MECOM: variants seen among roughly 807,000 people sequenced by gnomAD.
MECOM encodes histone-lysine N-methyltransferase MECOM.
Under a neutral mutation model 116.3 loss-of-function variants are expected in MECOM, and 13 were observed. That is an observed-to-expected ratio of 0.11 (90% CI 0.07 to 0.18). The LOEUF (loss-of-function observed/expected upper bound fraction) is 0.18, where lower values mean the gene tolerates loss of function less well. MECOM is among the 10% of genes least tolerant of loss of function. The pLI is 1.00. For missense variants in MECOM, 1,299 were observed against 1,509.0 expected (o/e 0.86, Z 2.31); for synonymous variants, 528 against 535.2 (o/e 0.99, Z 0.19).
At chr3:169,556,454 A>G (rs1762043776) in intron 1 of MECOM, among the ~76,000 whole-genome samples, 1 of 152,198 alleles carries the variant, frequency 6.6e-6, no homozygotes, top group Non-Finnish European at 1.5e-5. Context: ...GCAGATCTTC[A>G]TAATATCTTG....
chr3:169,146,322 G>A (rs1023342971), intron 2 of MECOM: 81 of 1,286,282 alleles, frequency 6.3e-5, no homozygotes, highest in East Asian at 5.2e-4. Flanking sequence ...TCGGCCGAGA[G>A]CGGCTCCAAA....
At position 169,621,712 on chromosome 3, in the gene MECOM, G is replaced by A. The variant is rs548046445; in HGVS notation, c.37+41624C>T. Among the ~76,000 whole-genome samples the A allele has an allele frequency of 3.3e-5, 5 of 152,266 alleles. No homozygotes were observed. The South Asian group carries it at 8.3e-4, about 25-fold the overall frequency. On this transcript the variant is annotated intron_variant, in intron 1 of 16. Coordinates refer to ENST00000651503, the MANE Select transcript of MECOM (RefSeq NM_004991.4). The stretch of plus-strand genomic sequence containing the variant: ...GTGGAGTTTGCAGTGAGCTGAGTTC[G>A]TGCCACTGCACTCCAGCCTGGGCAA...
At chr3:169,364,337 G>T (rs566727229) in intron 2 of MECOM, among the ~76,000 whole-genome samples, 1 of 152,014 alleles carries the variant, frequency 6.6e-6, no homozygotes, top group Non-Finnish European at 1.5e-5. Flanking sequence ...ATGATTTACT[G>T]CCTCATGTTT....
At chr3:169,441,608 CTT>C (rs970641517) in intron 1 of MECOM, among the ~76,000 whole-genome samples, 2 of 151,966 alleles carry the variant, frequency 1.3e-5, no homozygotes, top group African/African-American at 4.8e-5. Flanking sequence ...TGTAGAAAGA[CTT>C]TAGTTGCTAC....
chr3:169,321,401 A>G (rs1271059588), intron 2 of MECOM, among the ~76,000 whole-genome samples: 1 of 152,072 alleles, frequency 6.6e-6, no homozygotes, highest in Non-Finnish European at 1.5e-5. Context: ...TTAGCTGGGC[A>G]TGGTGGCACG....
chr3:169,176,247 T>G (rs1745150601), intron 2 of MECOM, among the ~76,000 whole-genome samples: 1 of 152,072 alleles, frequency 6.6e-6, no homozygotes, highest in Admixed American at 6.5e-5. Flanking sequence ...AGCTTTAGCA[T>G]ATATCAAGAG....
intron 1 of MECOM, among the ~76,000 whole-genome samples, chr3:169,403,128 T>C (rs1249222681): frequency 2.6e-5 from 4 of 152,240 alleles, no homozygotes; most frequent in Non-Finnish European, 4.4e-5. Context: ...TACAGCGTTC[T>C]TCCCTGCTTA....
intron 12 of MECOM, among the ~76,000 whole-genome samples, chr3:169,098,507 T>C (rs999204018): frequency 6.6e-6 from 1 of 152,208 alleles, no homozygotes; most frequent in Non-Finnish European, 1.5e-5. Flanking sequence ...GGGTACATGA[T>C]GCTGACATGT....
Position 169,116,216 on chromosome 3 carries a change from C to A in MECOM, c.1656G>T (p.Gly552=). The part of the protein sequence containing the change: ...LKALSKHPSV[G]DNKPVELQPE... The stretch of plus-strand genomic sequence containing the variant: ...GCTGGAGCTCCACTGGCTTATTGTC[C>A]CCTACAGATGGGTGTTTAGATAGTG... Residue 552 remains glycine (G), a synonymous_variant, in exon 8 of 17, where the codon GGG becomes GGT. Transcript: ENST00000651503. 6.2e-7 allele frequency: 1 copy of A among 1,614,132 alleles called. No individual in the cohort carries two copies. The highest frequency in any genetic ancestry group is 8.5e-7 in the Non-Finnish European group (1 of 1,180,032).
chr3:169,197,390 T>C (rs1748570287), intron 2 of MECOM, among the ~76,000 whole-genome samples: 2 of 151,720 alleles, frequency 1.3e-5, no homozygotes, highest in South Asian at 2.1e-4. Flanking sequence ...GTGCGGACTA[T>C]GATAAATGAA....
intron 3 of MECOM, among the ~76,000 whole-genome samples, chr3:169,139,881 G>A (rs1329116201): frequency 6.6e-6 from 1 of 151,646 alleles, no homozygotes; most frequent in Non-Finnish European, 1.5e-5. Flanking sequence ...AATGAGTTAT[G>A]TCCACCAATC....
At chr3:169,432,232 C>T (rs971504937) in intron 1 of MECOM, among the ~76,000 whole-genome samples, 1 of 151,790 alleles carries the variant, frequency 6.6e-6, no homozygotes, top group Admixed American at 6.6e-5. Context: ...TATCTTGGCT[C>T]GCCACAACCT....
At chr3:169,234,918 A>C (rs906944223) in intron 2 of MECOM, among the ~76,000 whole-genome samples, 3 of 152,186 alleles carry the variant, frequency 2.0e-5, no homozygotes, top group Admixed American at 2.0e-4. Flanking sequence ...ATGAGTTGGA[A>C]AACTCCTGTA....
intron 1 of MECOM, among the ~76,000 whole-genome samples, chr3:169,415,292 A>C (rs6779283): frequency 0.12 from 17,557 of 152,222 alleles, 1,290 homozygotes; most frequent in East Asian, 0.3. Context: ...TAAGCTTCAT[A>C]AGTGAAGTAG....
chr3:169,380,801 A>G (rs1031797886), intron 2 of MECOM, among the ~76,000 whole-genome samples: 1 of 152,156 alleles, frequency 6.6e-6, no homozygotes. Flanking sequence ...TTTTCCTCCA[A>G]TCCTCCAACT....
intron 2 of MECOM, among the ~76,000 whole-genome samples, chr3:169,309,980 G>A (rs1472940284): frequency 1.3e-5 from 2 of 152,168 alleles, no homozygotes; most frequent in African/African-American, 4.8e-5. Context: ...ATCAGGACCG[G>A]GGAAGAGGCC....
Position 169,092,993 on chromosome 3 carries a change from G to C in MECOM, c.3129C>G (p.Asn1043Lys). Reference protein sequence around the residue: ...TEIRNFIGNSNHGSQSPRNVE... With the variant: ...TEIRNFIGNSKHGSQSPRNVE... ...CATTCCTGGGAGATTGGCTGCCATG[G>C]TTGCTGTTCCCAATGAAATTTCGAA... The change falls in exon 14 of 17, where the codon AAC becomes AAG. Residue 1043 changes from asparagine (N) to lysine (K), a missense_variant. This residue lies in a region of MECOM where 273 missense variants were observed against 289.3 expected (regional missense o/e 0.94). Coordinates refer to ENST00000651503, the MANE Select transcript of MECOM (RefSeq NM_004991.4). The C allele has an allele frequency of 6.2e-7, 1 of 1,613,748 alleles. No homozygotes were observed. The highest frequency in any genetic ancestry group is 8.5e-7 in the Non-Finnish European group (1 of 1,179,788).
At chr3:169,187,632 G>T (rs1559968265) in intron 2 of MECOM, among the ~76,000 whole-genome samples, 1 of 152,104 alleles carries the variant, frequency 6.6e-6, no homozygotes, top group Non-Finnish European at 1.5e-5. Flanking sequence ...ATACAGGAGA[G>T]GGGGAGAGCA....
chr3:169,500,165 TA>T (rs1227948661), intron 1 of MECOM, among the ~76,000 whole-genome samples: 1 of 152,050 alleles, frequency 6.6e-6, no homozygotes, highest in African/African-American at 2.4e-5. Context: ...TATTAGATCA[TA>T]AAAGTCTATC....
Sources: allele counts gnomAD v4.1 joint callset (sites outside exome capture counted in the v4.1 genomes callset), GRCh38; gene constraint gnomAD v4.1.1; regional missense constraint gnomAD v4.1.1; transcripts MANE v1.5; gene names NCBI Gene and HGNC (gene_info 2026-07-23, HGNC 2026-07-21).